LRRCC1: variants seen among roughly 807,000 people sequenced by gnomAD.
The protein encoded by LRRCC1 is leucine-rich repeat and coiled-coil domain-containing protein 1.
Under a neutral mutation model 126.0 loss-of-function variants are expected in LRRCC1, and 115 were observed. The observed-to-expected ratio is 0.91, with a 90% CI of 0.78 to 1.07. LRRCC1 has a LOEUF of 1.07. Among genes scored for constraint, LRRCC1 ranks in the 50% least tolerant of loss-of-function variants. The probability of loss-of-function intolerance (pLI) is 0.00; values close to 1 mark genes in which losing one functional copy is unlikely to be tolerated. For missense variants in LRRCC1, 1,172 were observed against 1,175.7 expected, an observed-to-expected ratio of 1.00 and a Z score of 0.05; for synonymous variants, 400 against 393.4, an observed-to-expected ratio of 1.02 and a Z score of -0.20.
intron 3 of LRRCC1, among the ~76,000 whole-genome samples, chr8:85,110,489 T>A (rs1319735684): frequency 1.3e-5 from 2 of 152,212 alleles, no homozygotes; most frequent in Non-Finnish European, 2.9e-5. Flanking sequence ...GAAGAATAGT[T>A]CCAATAGAAC....
intron 14 of LRRCC1, among the ~76,000 whole-genome samples, chr8:85,136,306 CT>C (rs1407790805): frequency 1.3e-5 from 2 of 151,086 alleles, no homozygotes; most frequent in African/African-American, 4.9e-5. Context: ...CAGAGTTTTG[CT>C]CTCGTTGCCC....
chr8:85,133,173 A>G (rs780300208), intron 12 of LRRCC1, among the ~76,000 whole-genome samples: 1 of 152,188 alleles, frequency 6.6e-6, no homozygotes, highest in African/African-American at 2.4e-5. Context: ...CAATATCCAC[A>G]CTATGAAAGT....
At chr8:85,107,523 T>A in intron 1 of LRRCC1, 124 bp downstream of exon 1, 4 of 835,294 alleles carry the variant, frequency 4.8e-6, no homozygotes, top group Non-Finnish European at 3.6e-6. Flanking sequence ...GTGAACGCAG[T>A]CTGGCTTTCG....
At chr8:85,137,912 A>G in intron 15 of LRRCC1, 123 bp from the exon 16 acceptor site, 1 of 598,100 alleles carries the variant, frequency 1.7e-6, no homozygotes, top group Non-Finnish European at 2.8e-6. Flanking sequence ...AGGAGTCACA[A>G]GAAAATGAAC....
In LRRCC1 at chr8:85,135,951, CTG is replaced by C; in HGVS notation, c.2318_2319del (p.Leu773ArgfsTer19). On this transcript the variant is annotated frameshift_variant, in exon 14 of 19. Coordinates refer to ENST00000360375, the MANE Select transcript of LRRCC1 (RefSeq NM_033402.5). LOFTEE classifies it high-confidence loss of function. ...RTERKVWGHELAQQGSSLAQN... is the reference protein window; with the variant it reads ...RTERKVWGHEXAQQGSSLAQN... The stretch of plus-strand genomic sequence containing the variant: ...AGAAAGAAAAGTATGGGGACATGAG[CTG>C]GCACAACAAGGTAAAATTCTCAGAT... 1 of 1,567,798 alleles carries C rather than the reference CTG, an allele frequency of 6.4e-7. No individual in the cohort carries two copies. The highest frequency in any genetic ancestry group is 8.6e-7 in the Non-Finnish European group (1 of 1,158,240).
chr8:85,109,823 A>T (rs752142942), intron 2 of LRRCC1, 23 bp downstream of exon 2: 2 of 1,273,598 alleles, frequency 1.6e-6, no homozygotes, highest in Non-Finnish European at 2.2e-6. Context: ...TTTTCATTTA[A>T]CACTTAGCGT....
At chr8:85,129,770 T>C (rs1413677402) in intron 10 of LRRCC1, 149 bp from the exon 11 acceptor site, 1 of 576,048 alleles carries the variant, frequency 1.7e-6, no homozygotes, top group African/African-American at 1.9e-5. Context: ...GGCTGCACTT[T>C]GTGTGACTGT....
intron 13 of LRRCC1, 48 bp downstream of exon 13, chr8:85,135,080 T>C (rs1810756670): frequency 7.5e-7 from 1 of 1,338,116 alleles, no homozygotes; most frequent in East Asian, 2.6e-5. Context: ...TACATTATTT[T>C]CTCAAGTGGG....
At chr8:85,137,365 GT>G (rs1006164917) in intron 14 of LRRCC1, 98 bp from the exon 15 acceptor site, 46 of 715,198 alleles carry the variant, frequency 6.4e-5, no homozygotes, top group Non-Finnish European at 8.2e-5. Flanking sequence ...TCTTTATTTA[GT>G]TTTTTTATTA....
At chr8:85,126,599 T>A in intron 8 of LRRCC1, 90 bp from the exon 9 acceptor site, 1 of 1,069,676 alleles carries the variant, frequency 9.3e-7, no homozygotes, top group South Asian at 1.6e-5. Context: ...AAGTAGGTAC[T>A]ATTATTCCCC....
At chr8:85,111,116 G>A (rs146583918) in intron 3 of LRRCC1, among the ~76,000 whole-genome samples, 109 of 152,226 alleles carry the variant, frequency 7.2e-4, no homozygotes, top group Admixed American at 1.7e-3. Context: ...GGTGTCTCAC[G>A]CCTGTAATCC....
intron 18 of LRRCC1, among the ~76,000 whole-genome samples, chr8:85,142,114 T>C (rs574541291): frequency 6.6e-6 from 1 of 152,162 alleles, no homozygotes; most frequent in African/African-American, 2.4e-5. Context: ...GCCAACATGG[T>C]GAAACCCCTT....
intron 6 of LRRCC1, among the ~76,000 whole-genome samples, chr8:85,121,369 C>G (rs1015569702): frequency 2.6e-5 from 4 of 151,964 alleles, no homozygotes; most frequent in African/African-American, 9.7e-5. Context: ...CATTTTTCTT[C>G]CTTTCCTACT....
chr8:85,113,943 C>T (rs907256664), intron 4 of LRRCC1, among the ~76,000 whole-genome samples: 2 of 152,018 alleles, frequency 1.3e-5, no homozygotes, highest in African/African-American at 4.8e-5. Context: ...TAAAGATCAG[C>T]TTGAGTACAA....
intron 8 of LRRCC1, among the ~76,000 whole-genome samples, chr8:85,125,664 C>G (rs1166937362): frequency 1.5e-4 from 2 of 13,300 alleles, no homozygotes; most frequent in African/African-American, 1.4e-3. Context: ...CAGAGCGAGA[C>G]TCCGTCAAAA....
Position 85,115,087 on chromosome 8 carries a change from ATTTG to A in LRRCC1, c.545-9_545-6del, listed in dbSNP as rs960998441. ...AATATTTCAGTTTTCATTTTGAATG[ATTTG>A]TTTCCAAGGGTACAGAGCAGTTATT... On this transcript the variant is annotated splice_polypyrimidine_tract_variant and intron_variant, in intron 4 of 18. Transcript: ENST00000360375. 10 of 1,527,596 alleles carry A rather than the reference ATTTG, an allele frequency of 6.5e-6. No homozygotes were observed. The highest frequency in any genetic ancestry group is 1.7e-4 in the Middle Eastern group (1 of 5,718). 94.6% of individuals were successfully genotyped at this position (1,527,596 alleles called of 1,614,324 possible).
At position 85,135,002 on chromosome 8, in the gene LRRCC1, A is replaced by T; in HGVS notation, c.2124A>T (p.Lys708Asn). Residue 708 changes from lysine to asparagine, a missense_variant, in exon 13 of 19, where the codon AAA becomes AAT. Transcript: ENST00000360375. ...EQKTKLAEVS[K>N]LKQETAANLQ... The stretch of plus-strand genomic sequence containing the variant: ...AAACAAAACTGGCAGAAGTTTCTAA[A>T]TTGAAACAAGAAACAGCAGCAAATT... 6.5e-7 allele frequency: 1 copy of T among 1,546,656 alleles called. No homozygotes were observed. The highest frequency in any genetic ancestry group is 8.6e-7 in the Non-Finnish European group (1 of 1,157,540).
intron 9 of LRRCC1, among the ~76,000 whole-genome samples, chr8:85,128,152 T>C (rs1810155743): frequency 6.6e-6 from 1 of 152,212 alleles, no homozygotes; most frequent in African/African-American, 2.4e-5. Context: ...TAATTGAAAT[T>C]ATTCCCAAAT....
At chr8:85,111,612 AAAAC>A (rs1808724088) in intron 3 of LRRCC1, among the ~76,000 whole-genome samples, 1 of 152,188 alleles carries the variant, frequency 6.6e-6, no homozygotes, top group South Asian at 2.1e-4. Context: ...GTGGGGAAGA[AAAAC>A]AACCCCCAAA....
Sources: gnomAD v4.1 joint callset for allele counts (sites outside exome capture counted in the v4.1 genomes callset) on GRCh38, gnomAD v4.1.1 for gene constraint, MANE v1.5 for transcripts, NCBI Gene and HGNC (gene_info 2026-07-23, HGNC 2026-07-21) for gene names.